Variants in GUCY1A2 observed in about 807,000 individuals in gnomAD.
The protein encoded by GUCY1A2 is guanylate cyclase soluble subunit alpha-2.
Under a neutral mutation model 63.5 loss-of-function variants are expected in GUCY1A2, and 27 were observed. That is an observed-to-expected ratio of 0.43 (90% CI 0.31 to 0.59). The LOEUF is 0.59. Among genes scored for constraint, GUCY1A2 ranks in the 20% least tolerant of loss-of-function variants. The probability of loss-of-function intolerance (pLI) is 0.11; values close to 1 mark genes in which losing one functional copy is unlikely to be tolerated. For synonymous variants in GUCY1A2, 364 were observed against 343.5 expected (o/e 1.06, Z -0.66); for missense variants, 768 against 913.3 (o/e 0.84, Z 2.05).
chr11:106,771,024 G>T (rs1408621122), intron 6 of GUCY1A2, among the ~76,000 whole-genome samples: 1 of 151,850 alleles, frequency 6.6e-6, no homozygotes, highest in Non-Finnish European at 1.5e-5. Flanking sequence ...ATTTGAATTT[G>T]TATGCCTATG....
intron 4 of GUCY1A2, among the ~76,000 whole-genome samples, chr11:106,860,308 A>G (rs1859493257): frequency 6.6e-6 from 1 of 151,834 alleles, no homozygotes; most frequent in African/African-American, 2.4e-5. Context: ...GTAATACAGC[A>G]ATGCTTGCAG....
At position 106,823,980 on chromosome 11, in the gene GUCY1A2, T is replaced by G. The variant is rs971271600; in HGVS notation, c.1207-13502A>C. The G allele has an allele frequency of 4.3e-5, 31 of 723,460 alleles. No individual in the cohort carries two copies. The Admixed American group carries it at 9.8e-4, about 23-fold the overall frequency. 44.8% of individuals were successfully genotyped at this position (723,460 alleles called of 1,614,324 possible). On this transcript the variant is annotated intron_variant, in intron 4 of 7. Transcript: ENST00000526355. ...TCAATGTATTAAAAATTACTGCGCA[T>G]ATAGTTATTGCTTTTATAAATTTGT... is the stretch of plus-strand genomic sequence containing the variant.
chr11:106,831,548 CA>C (rs1346925017), intron 4 of GUCY1A2, among the ~76,000 whole-genome samples: 1 of 152,188 alleles, frequency 6.6e-6, no homozygotes, highest in African/African-American at 2.4e-5. Flanking sequence ...TGTCAGGTTA[CA>C]GCTATACTGA....
chr11:106,854,099 G>T (rs1401516963), intron 4 of GUCY1A2, among the ~76,000 whole-genome samples: 1 of 152,216 alleles, frequency 6.6e-6, no homozygotes, highest in East Asian at 1.9e-4. Flanking sequence ...TGGCTGTGGG[G>T]TGACCCAGGT....
rs545826760 is a variant in GUCY1A2 at position 106,835,777 on chromosome 11, G to C, written c.1207-25299C>G. On this transcript the variant is annotated intron_variant, in intron 4 of 7. Coordinates refer to ENST00000526355, the MANE Select transcript of GUCY1A2 (RefSeq NM_000855.3). ...CTGTCATCCTAGTGTGGTACACTCA[G>C]AAAAGCTATATTTTTATAATGCTAA... Among the ~76,000 whole-genome samples the C allele has an allele frequency of 2.0e-5, 3 of 151,914 alleles. No homozygotes were observed. The South Asian group carries it at 6.2e-4, about 32-fold the overall frequency.
intron 3 of GUCY1A2, among the ~76,000 whole-genome samples, chr11:106,949,207 C>T (rs1270687571): frequency 1.4e-5 from 2 of 146,270 alleles, no homozygotes; most frequent in African/African-American, 2.5e-5. Flanking sequence ...TAGAATTATA[C>T]ATCTCATCAT....
chr11:106,702,805 A>C (rs1862839665), intron 7 of GUCY1A2, among the ~76,000 whole-genome samples: 1 of 152,118 alleles, frequency 6.6e-6, no homozygotes, highest in Middle Eastern at 3.2e-3. Flanking sequence ...TGTAGGAAGA[A>C]TAACCCCCAC....
chr11:106,813,102 T>C (rs1187601038), intron 4 of GUCY1A2, among the ~76,000 whole-genome samples: 2 of 152,040 alleles, frequency 1.3e-5, no homozygotes, highest in Non-Finnish European at 1.5e-5. Flanking sequence ...CATATTTGTA[T>C]ATAAAAGAAT....
chr11:106,755,619 A>G (rs1863959617), intron 6 of GUCY1A2, among the ~76,000 whole-genome samples: 1 of 152,218 alleles, frequency 6.6e-6, no homozygotes, highest in Admixed American at 6.5e-5. Context: ...GTAGTCATTC[A>G]GGAGCAGGTT....
chr11:106,776,401 T>C (rs1436748213), intron 6 of GUCY1A2, 38 bp downstream of exon 6: 1 of 1,312,718 alleles, frequency 7.6e-7, no homozygotes, highest in Non-Finnish European at 1.1e-6. Flanking sequence ...CAGTTAATGG[T>C]GCACTTACTA....
At chr11:106,845,564 T>G (rs1330593177) in intron 4 of GUCY1A2, among the ~76,000 whole-genome samples, 2 of 151,584 alleles carry the variant, frequency 1.3e-5, no homozygotes, top group African/African-American at 4.8e-5. Context: ...AATTTTTTTG[T>G]GTTCCTGATG....
At chr11:107,015,851 A>G (rs776962946) in intron 1 of GUCY1A2, among the ~76,000 whole-genome samples, 7 of 152,222 alleles carry the variant, frequency 4.6e-5, no homozygotes, top group Non-Finnish European at 8.8e-5. Context: ...AACAGCAAAG[A>G]GTAGCCAATC....
chr11:106,999,960 A>C (rs989359254), intron 1 of GUCY1A2, among the ~76,000 whole-genome samples: 1 of 152,198 alleles, frequency 6.6e-6, no homozygotes, highest in African/African-American at 2.4e-5. Context: ...CCTCACCCGC[A>C]ACCCAAGAAT....
intron 3 of GUCY1A2, among the ~76,000 whole-genome samples, chr11:106,947,265 T>G (rs1045439230): frequency 6.6e-6 from 1 of 151,046 alleles, no homozygotes; most frequent in Admixed American, 6.6e-5. Flanking sequence ...ACTATAATTA[T>G]AGTAGGAAAC....
intron 6 of GUCY1A2, among the ~76,000 whole-genome samples, chr11:106,759,683 C>T (rs1190755397): frequency 1.3e-5 from 2 of 152,200 alleles, no homozygotes; most frequent in Non-Finnish European, 2.9e-5. Flanking sequence ...CCTGTAATCC[C>T]AGCACTTTGG....
chr11:106,720,392 C>G (rs1863295341), intron 6 of GUCY1A2, among the ~76,000 whole-genome samples: 1 of 152,138 alleles, frequency 6.6e-6, no homozygotes, highest in South Asian at 2.1e-4. Flanking sequence ...GCATTTTAAG[C>G]TTATGCATGC....
chr11:106,879,907 G>T (rs1351542853), intron 4 of GUCY1A2, among the ~76,000 whole-genome samples: 1 of 152,068 alleles, frequency 6.6e-6, no homozygotes, highest in Non-Finnish European at 1.5e-5. Context: ...GCTATATGCT[G>T]TCATCAGTTA....
intron 7 of GUCY1A2, among the ~76,000 whole-genome samples, chr11:106,701,664 A>G (rs1862819877): frequency 6.6e-6 from 1 of 152,176 alleles, no homozygotes; most frequent in South Asian, 2.1e-4. Flanking sequence ...AAGTTAACAG[A>G]TACAAAATTT....
intron 4 of GUCY1A2, among the ~76,000 whole-genome samples, chr11:106,887,727 C>G (rs1859918190): frequency 6.6e-6 from 1 of 152,106 alleles, no homozygotes; most frequent in African/African-American, 2.4e-5. Context: ...TTTACAACGG[C>G]AGCTGCTACT....
Sources: allele counts gnomAD v4.1 joint callset (sites outside exome capture counted in the v4.1 genomes callset), GRCh38; gene constraint gnomAD v4.1.1; transcripts MANE v1.5; gene names NCBI Gene and HGNC (gene_info 2026-07-23, HGNC 2026-07-21).